SLC27A1: variants seen among roughly 807,000 people sequenced by gnomAD.
SLC27A1 encodes the protein long-chain fatty acid transport protein 1.
Under a neutral mutation model 62.2 loss-of-function variants are expected in SLC27A1, and 61 were observed. That is an observed-to-expected ratio of 0.98 (90% confidence interval 0.80 to 1.21). SLC27A1 has a LOEUF of 1.21. Among genes scored for constraint, SLC27A1 ranks in the 50% most tolerant of loss-of-function variants. The probability of loss-of-function intolerance (pLI) is 0.00; values close to 1 mark genes in which losing one functional copy is unlikely to be tolerated. For synonymous variants in SLC27A1, 435 were observed against 408.6 expected (o/e 1.06, Z -0.78); for missense variants, 903 against 932.1 (o/e 0.97, Z 0.41).
At chr19:17,502,455 G>A (rs1302064945) in intron 11 of SLC27A1, among the ~76,000 whole-genome samples, 2 of 138,544 alleles carry the variant, frequency 1.4e-5, no homozygotes, top group South Asian at 2.4e-4. Flanking sequence ...GGGTTCAAGC[G>A]ATTCTCCTGC....
At chr19:17,474,394 G>A (rs1438793188) in intron 1 of SLC27A1, among the ~76,000 whole-genome samples, 2 of 152,142 alleles carry the variant, frequency 1.3e-5, no homozygotes, top group African/African-American at 4.8e-5. Context: ...TTTGTTAGGT[G>A]GAAGGCCATC....
chr19:17,476,089 G>A (rs1164514234), intron 1 of SLC27A1, among the ~76,000 whole-genome samples: 2 of 152,110 alleles, frequency 1.3e-5, no homozygotes, highest in Admixed American at 6.6e-5. Context: ...GCCTCTGGAC[G>A]GGCACCCTAC....
chr19:17,473,827 A>T (rs1436171572), intron 1 of SLC27A1, among the ~76,000 whole-genome samples: 1 of 152,146 alleles, frequency 6.6e-6, no homozygotes, highest in Non-Finnish European at 1.5e-5. Flanking sequence ...GTGCCATTAC[A>T]CTCCAGACTG....
chr19:17,488,797 G>A (rs1253400412), intron 4 of SLC27A1, 51 bp from the exon 5 acceptor site: 1 of 1,537,928 alleles, frequency 6.5e-7, no homozygotes, highest in South Asian at 1.1e-5. Flanking sequence ...CCTGTACCCT[G>A]GGGGATTTAG....
chr19:17,493,212 T>G (rs1200361780), intron 6 of SLC27A1, among the ~76,000 whole-genome samples: 1 of 151,128 alleles, frequency 6.6e-6, no homozygotes, highest in African/African-American at 2.4e-5. Context: ...GGCAGGTGGA[T>G]CACCTCAGGT....
At chr19:17,494,182 C>G (rs2144599034) in intron 6 of SLC27A1, among the ~76,000 whole-genome samples, 1 of 151,670 alleles carries the variant, frequency 6.6e-6, no homozygotes. Context: ...CCACACCTGG[C>G]TAATTTTTTT....
At chr19:17,493,047 C>G (rs2075310420) in intron 6 of SLC27A1, among the ~76,000 whole-genome samples, 1 of 150,564 alleles carries the variant, frequency 6.6e-6, no homozygotes, top group African/African-American at 2.5e-5. Context: ...CCTGTGAACC[C>G]AGGAGGTGGA....
chr19:17,479,461 G>A (rs1045501143), intron 1 of SLC27A1, among the ~76,000 whole-genome samples: 1 of 152,146 alleles, frequency 6.6e-6, no homozygotes, highest in Admixed American at 6.6e-5. Flanking sequence ...CTGTTGTAAA[G>A]ACAATCCATT....
intron 1 of SLC27A1, among the ~76,000 whole-genome samples, chr19:17,476,155 T>A (rs1362983585): frequency 3.9e-5 from 6 of 152,102 alleles, no homozygotes; most frequent in Non-Finnish European, 7.4e-5. Flanking sequence ...TCCCCATGGA[T>A]GTAACATTTG....
intron 6 of SLC27A1, among the ~76,000 whole-genome samples, chr19:17,493,472 A>G (rs942571989): frequency 6.7e-6 from 1 of 148,856 alleles, no homozygotes; most frequent in Non-Finnish European, 1.5e-5. Flanking sequence ...TCTAAAGGTG[A>G]TGTTTAATAA....
At chr19:17,502,668 CTTTTT>C (rs2075430553) in intron 11 of SLC27A1, among the ~76,000 whole-genome samples, 1 of 151,536 alleles carries the variant, frequency 6.6e-6, no homozygotes, top group Non-Finnish European at 1.5e-5. Context: ...TGTATCTTTT[CTTTTT>C]CTTTTGTTTT....
In SLC27A1 at chr19:17,487,536, G is replaced by C; in HGVS notation, c.794+7G>C. Reference sequence around the variant, plus strand: ...CCATTGTCGTGCACAGCAGGTGAGGGGCCCACAGGCATAATGCCCTCAGCC... The same window carrying C: ...CCATTGTCGTGCACAGCAGGTGAGGCGCCCACAGGCATAATGCCCTCAGCC... On this transcript the variant is annotated splice_region_variant and intron_variant, in intron 4 of 11. Coordinates refer to ENST00000252595, the MANE Select transcript of SLC27A1 (RefSeq NM_198580.3). The C allele has an allele frequency of 1.2e-6, 2 of 1,610,718 alleles. No homozygotes were observed.
Position 17,487,302 on chromosome 19 carries a change from C to T in SLC27A1, c.691C>T (p.Pro231Ser). 1 of 1,613,012 alleles carries T rather than the reference C, an allele frequency of 6.2e-7. No individual in the cohort carries two copies. Among genetic ancestry groups the T allele is most frequent in the Admixed American group, 1.7e-5 (1 of 59,820 alleles). The part of the protein sequence containing the change: ...DPLLKEASTA[P>S]LAQIPSKGMD... ...GCTGCTGAAGGAGGCCTCTACTGCC[C>T]CCTTGGCACAGATCCCCAGCAAGGG... The change falls in exon 3 of 12, where the codon CCC becomes TCC. Residue 231 changes from proline to serine, a missense_variant. Physicochemically the swap from Pro to Ser is moderately conservative, Grantham distance 74 (BLOSUM62 -1). Coordinates refer to ENST00000252595, the MANE Select transcript of SLC27A1 (RefSeq NM_198580.3).
At chr19:17,501,441 A>G (rs774120396) in intron 11 of SLC27A1, 22 bp downstream of exon 11, 17 of 1,605,118 alleles carry the variant, frequency 1.1e-5, no homozygotes, top group East Asian at 2.2e-5. Flanking sequence ...CCCCACTCCA[A>G]TCTCTCTCTT....
In SLC27A1 at chr19:17,504,725, C is replaced by G; in HGVS notation, c.*113C>G. 7.4e-7 allele frequency: 1 copy of G among 1,351,036 alleles called. No homozygotes were observed. The highest frequency in any genetic ancestry group is 1.0e-6 in the Non-Finnish European group (1 of 969,754). 83.7% of individuals were successfully genotyped at this position (1,351,036 alleles called of 1,614,324 possible). A position where few individuals can be genotyped will look rare whatever the true frequency, so the allele number is the denominator to read the frequency against. ...TACACACCCACCTGGCCGAGCTGTA[C>G]CTGGCACGGCCCATCCTGGACTGAG... On this transcript the variant is annotated 3_prime_UTR_variant, in exon 12 of 12. Coordinates refer to ENST00000252595, the MANE Select transcript of SLC27A1 (RefSeq NM_198580.3).
chr19:17,500,467 C>A, intron 8 of SLC27A1, 28 bp from the exon 9 acceptor site: 2 of 1,612,822 alleles, frequency 1.2e-6, no homozygotes, highest in Non-Finnish European at 1.7e-6. Flanking sequence ...GCCTGCCTAG[C>A]GCAGCCTGAA....
intron 1 of SLC27A1, among the ~76,000 whole-genome samples, chr19:17,471,863 G>A (rs2075079894): frequency 6.6e-6 from 1 of 152,092 alleles, no homozygotes; most frequent in Non-Finnish European, 1.5e-5. Flanking sequence ...GCCCATCCTT[G>A]GCAGAAGGAA....
At chr19:17,470,818 G>A in intron 1 of SLC27A1, 111 bp downstream of exon 1, 1 of 670,220 alleles carries the variant, frequency 1.5e-6, no homozygotes, top group Non-Finnish European at 2.0e-6. Flanking sequence ...AGAGCTGAGG[G>A]TGCTTTGTAG....
chr19:17,487,556 T>G lies in SLC27A1; in HGVS notation c.794+27T>G, dbSNP rs960813436. On this transcript the variant is annotated intron_variant, in intron 4 of 11. Coordinates refer to ENST00000252595, the MANE Select transcript of SLC27A1 (RefSeq NM_198580.3). ...TGAGGGGCCCACAGGCATAATGCCC[T>G]CAGCCGCTGAGAGTGACCCAGGCTA... The G allele has an allele frequency of 2.5e-6, 4 of 1,605,766 alleles. No individual in the cohort carries two copies. In the African/African-American group the frequency reaches 5.3e-5, roughly 21 times the overall value.
Sources: gnomAD v4.1 joint callset for allele counts (sites outside exome capture counted in the v4.1 genomes callset) on GRCh38, gnomAD v4.1.1 for gene constraint, MANE v1.5 for transcripts, NCBI Gene and HGNC (gene_info 2026-07-23, HGNC 2026-07-21) for gene names.